COL25A1: variants seen among roughly 807,000 people sequenced by gnomAD.
COL25A1 encodes the protein collagen type XXV alpha 1 chain.
In COL25A1, 103 loss-of-function variants were observed where a neutral mutation model predicts 128.4. The observed-to-expected ratio is 0.80, with a 90% confidence interval of 0.68 to 0.94. The LOEUF is 0.94. Ranked by LOEUF, COL25A1 falls within the 40% of genes least tolerant of loss-of-function variation. The probability of loss-of-function intolerance (pLI) is 0.00; values close to 1 mark genes in which losing one functional copy is unlikely to be tolerated. For synonymous variants in COL25A1, 279 were observed against 277.2 expected (o/e 1.01, Z -0.06); for missense variants, 745 against 840.0 (o/e 0.89, Z 1.40).
intron 5 of COL25A1, among the ~76,000 whole-genome samples, chr4:109,016,546 A>G (rs997980373): frequency 3.9e-5 from 6 of 152,242 alleles, no homozygotes; most frequent in Non-Finnish European, 8.8e-5. Flanking sequence ...ATGGCTGCCC[A>G]TGGATCAATC....
intron 34 of COL25A1, 96 bp downstream of exon 34, chr4:108,825,100 T>C (rs1162061824): frequency 7.3e-6 from 7 of 962,522 alleles, no homozygotes; most frequent in South Asian, 4.1e-5. Flanking sequence ...CATACCTATA[T>C]GCACAGAAAA....
intron 5 of COL25A1, among the ~76,000 whole-genome samples, chr4:109,020,491 G>C (rs1757621760): frequency 9.5e-6 from 1 of 105,474 alleles, no homozygotes; most frequent in African/African-American, 3.7e-5. Context: ...GCAAGAATGA[G>C]CATGGAGATT....
intron 6 of COL25A1, among the ~76,000 whole-genome samples, chr4:108,986,475 T>C (rs1485457457): frequency 6.6e-6 from 1 of 152,170 alleles, no homozygotes; most frequent in African/African-American, 2.4e-5. Context: ...ACCTACTCAA[T>C]CTTCTGAATG....
intron 3 of COL25A1, among the ~76,000 whole-genome samples, chr4:109,218,357 G>GTTTTTTTTTTTTTTGTTTTTTTTTTT (rs1560887047): frequency 3.5e-4 from 26 of 73,550 alleles, no homozygotes; most frequent in Admixed American, 1.4e-3. Context: ...GTTTTTTGGG[G>GTTTTTTTTTTTTTTGTTTTTTTTTTT]TTTTTTTTTT....
chr4:108,893,881 A>G (rs2125852307), intron 16 of COL25A1, among the ~76,000 whole-genome samples: 1 of 152,326 alleles, frequency 6.6e-6, no homozygotes, highest in African/African-American at 2.4e-5. Context: ...GATAAATGCT[A>G]CAGGTCGGAT....
At chr4:108,874,165 A>G (rs1739150697) in intron 19 of COL25A1, among the ~76,000 whole-genome samples, 2 of 152,232 alleles carry the variant, frequency 1.3e-5, no homozygotes, top group South Asian at 4.1e-4. Context: ...GTACGATTCA[A>G]AGGCAAAGGA....
At chr4:108,829,723 T>C (rs1732856550) in intron 32 of COL25A1, among the ~76,000 whole-genome samples, 1 of 152,190 alleles carries the variant, frequency 6.6e-6, no homozygotes, top group South Asian at 2.1e-4. Flanking sequence ...ACTACTCTTC[T>C]AGAACAGCCC....
chr4:108,963,874 T>C (rs1404225030), intron 8 of COL25A1, among the ~76,000 whole-genome samples: 1 of 151,448 alleles, frequency 6.6e-6, no homozygotes, highest in Admixed American at 6.6e-5. Context: ...AAATGTGAAA[T>C]AGTGCCCCTA....
intron 3 of COL25A1, among the ~76,000 whole-genome samples, chr4:109,256,388 A>T (rs1361161235): frequency 6.6e-6 from 1 of 152,124 alleles, no homozygotes; most frequent in East Asian, 1.9e-4. Flanking sequence ...CATGTCCTTC[A>T]GCAGAATGAA....
chr4:108,990,511 A>T (rs1298851361), intron 6 of COL25A1, among the ~76,000 whole-genome samples: 1 of 151,864 alleles, frequency 6.6e-6, no homozygotes, highest in Non-Finnish European at 1.5e-5. Context: ...TCTAACAGTG[A>T]TAGTTGCTCC....
chr4:109,062,381 G>A (rs1217855196), intron 3 of COL25A1, among the ~76,000 whole-genome samples: 1 of 152,010 alleles, frequency 6.6e-6, no homozygotes, highest in Non-Finnish European at 1.5e-5. Flanking sequence ...TTTAAAATAT[G>A]GCATTTTATT....
intron 3 of COL25A1, among the ~76,000 whole-genome samples, chr4:109,288,962 TACACACACACACACACACACAC>T (rs3079876): frequency 2.2e-5 from 3 of 133,532 alleles, no homozygotes; most frequent in South Asian, 2.6e-4. Flanking sequence ...AAATTATATA[TACACACACACACACACACACAC>T]ACACACACAC....
At chr4:109,280,198 T>C (rs1045642581) in intron 3 of COL25A1, among the ~76,000 whole-genome samples, 2 of 152,196 alleles carry the variant, frequency 1.3e-5, no homozygotes, top group African/African-American at 4.8e-5. Context: ...CCAGTGTGCA[T>C]TACTATATGT....
chr4:108,837,314 CT>C (rs1353796427), intron 31 of COL25A1, among the ~76,000 whole-genome samples: 1 of 151,988 alleles, frequency 6.6e-6, no homozygotes, highest in Non-Finnish European at 1.5e-5. Flanking sequence ...TCATATTTTA[CT>C]AATGTAATCT....
chr4:109,017,428 AG>A (rs1227392488), intron 5 of COL25A1, among the ~76,000 whole-genome samples: 1 of 152,242 alleles, frequency 6.6e-6, no homozygotes, highest in Non-Finnish European at 1.5e-5. Flanking sequence ...CTGGCCACAA[AG>A]GTTTCCAGCT....
chr4:109,121,686 G>A lies in COL25A1; in HGVS notation c.368-71507C>T, dbSNP rs368379875. On this transcript the variant is annotated intron_variant, in intron 3 of 37. Transcript: ENST00000399132. ...TTCATTGCTTGTGGGAATGCCAAATGATACAGCCACTTTGGAAGAAAGTTT... is the reference window on the plus strand; with the variant it reads ...TTCATTGCTTGTGGGAATGCCAAATAATACAGCCACTTTGGAAGAAAGTTT... Among the ~76,000 whole-genome samples, 17 of 152,210 alleles carry A rather than the reference G, an allele frequency of 1.1e-4. No homozygotes were observed. The East Asian group carries it at 1.9e-3, about 17-fold the overall frequency.
chr4:108,844,155 T>TCCCAA (rs1734795754), intron 30 of COL25A1, among the ~76,000 whole-genome samples: 1 of 152,164 alleles, frequency 6.6e-6, no homozygotes, highest in African/African-American at 2.4e-5. Context: ...TCCCAAAGTG[T>TCCCAA]TGGCATGAGC....
chr4:109,095,231 A>G (rs543684888), intron 3 of COL25A1, among the ~76,000 whole-genome samples: 1 of 152,376 alleles, frequency 6.6e-6, no homozygotes, highest in South Asian at 2.1e-4. Context: ...CTTGTTACCA[A>G]CTAATAAATG....
chr4:109,264,037 A>G (rs900199443), intron 3 of COL25A1, among the ~76,000 whole-genome samples: 3 of 152,250 alleles, frequency 2.0e-5, no homozygotes, highest in Admixed American at 6.5e-5. Flanking sequence ...AAGGATTTTA[A>G]GTACAAATTA....
Sources: gnomAD v4.1 joint callset for allele counts (sites outside exome capture counted in the v4.1 genomes callset) on GRCh38, gnomAD v4.1.1 for gene constraint, MANE v1.5 for transcripts, NCBI Gene and HGNC (gene_info 2026-07-23, HGNC 2026-07-21) for gene names.